The following DAPP1 variants were observed in gnomAD, a reference collection of about 807,000 sequenced individuals.
DAPP1 encodes dual adaptor of phosphotyrosine and 3-phosphoinositides 1.
Under a neutral mutation model 41.5 loss-of-function variants are expected in DAPP1, and 20 were observed. The ratio of observed to expected loss-of-function variants is 0.48; its 90% CI spans 0.34 to 0.70. DAPP1 has a LOEUF of 0.70. DAPP1 is among the 30% of genes least tolerant of loss of function. DAPP1 has a pLI of 0.01. For missense variants in DAPP1, 233 were observed against 333.4 expected (o/e 0.70, Z 2.35); for synonymous variants, 113 against 116.2 (o/e 0.97, Z 0.18).
chr4:99,861,901 A>G (rs1335283641), intron 5 of DAPP1, among the ~76,000 whole-genome samples: 1 of 152,250 alleles, frequency 6.6e-6, no homozygotes, highest in Non-Finnish European at 1.5e-5. Flanking sequence ...ATTGAGGATG[A>G]AGATAGCAAG....
intron 1 of DAPP1, among the ~76,000 whole-genome samples, chr4:99,818,088 A>G (rs1722650497): frequency 6.6e-6 from 1 of 152,196 alleles, no homozygotes; most frequent in Non-Finnish European, 1.5e-5. Context: ...ATGTTGTATT[A>G]CTGTAAAAGT....
chr4:99,862,961 T>A, intron 5 of DAPP1, 49 bp from the exon 6 acceptor site: 2 of 1,365,772 alleles, frequency 1.5e-6, no homozygotes, highest in Non-Finnish European at 2.0e-6. Context: ...ATTCCTGTAT[T>A]CAAAACTTTG....
intron 1 of DAPP1, among the ~76,000 whole-genome samples, chr4:99,825,848 G>A (rs926870336): frequency 3.0e-4 from 46 of 152,190 alleles, no homozygotes; most frequent in African/African-American, 1.1e-3. Flanking sequence ...ATGGGCTTGT[G>A]TGGGCAACAC....
At chr4:99,857,985 A>G (rs1217642616) in intron 4 of DAPP1, among the ~76,000 whole-genome samples, 1 of 152,194 alleles carries the variant, frequency 6.6e-6, no homozygotes, top group African/African-American at 2.4e-5. Flanking sequence ...GGTTTTCCCC[A>G]AGTCGTTTGA....
At chr4:99,818,634 T>G (rs1156482156) in intron 1 of DAPP1, among the ~76,000 whole-genome samples, 1 of 152,048 alleles carries the variant, frequency 6.6e-6, no homozygotes, top group Admixed American at 6.5e-5. Flanking sequence ...GTGTCTTTCC[T>G]CCATGTGCAA....
At chr4:99,818,214 T>C (rs1484632987) in intron 1 of DAPP1, among the ~76,000 whole-genome samples, 2 of 152,174 alleles carry the variant, frequency 1.3e-5, no homozygotes, top group Non-Finnish European at 2.9e-5. Context: ...ACTCCCCTTA[T>C]TAGGAAGCCA....
chr4:99,865,968 A>ATATATATATATAATATAATATAT (rs1724438181), intron 7 of DAPP1, 66 bp from the exon 8 acceptor site: 1 of 64,798 alleles, frequency 1.5e-5, no homozygotes, highest in South Asian at 3.1e-4. Context: ...TATATATATT[A>ATATATATATATAATATAATATAT]TATATATATA....
intron 1 of DAPP1, among the ~76,000 whole-genome samples, chr4:99,823,780 T>C (rs757971228): frequency 7.9e-5 from 12 of 152,172 alleles, no homozygotes; most frequent in Non-Finnish European, 1.5e-4. Flanking sequence ...AGAGCCAAGA[T>C]AGTGGGTTAG....
chr4:99,822,297 G>C (rs1476621693), intron 1 of DAPP1, among the ~76,000 whole-genome samples: 1 of 152,140 alleles, frequency 6.6e-6, no homozygotes, highest in East Asian at 1.9e-4. Context: ...GTTGTATGAT[G>C]ACGCCAGGCA....
At chr4:99,850,325 G>A (rs76162942) in intron 3 of DAPP1, among the ~76,000 whole-genome samples, 6,306 of 151,996 alleles carry the variant, frequency 0.041, 284 homozygotes, top group East Asian at 0.24. Context: ...CAGGAGAATC[G>A]CTTGAACCTG....
chr4:99,830,011 C>T (rs1723067085), intron 1 of DAPP1, among the ~76,000 whole-genome samples: 2 of 152,120 alleles, frequency 1.3e-5, no homozygotes, highest in Admixed American at 1.3e-4. Context: ...AAAGAGACCT[C>T]CAGATTTTAT....
intron 1 of DAPP1, among the ~76,000 whole-genome samples, chr4:99,821,434 C>G (rs1410738689): frequency 6.6e-6 from 1 of 152,190 alleles, no homozygotes; most frequent in Admixed American, 6.5e-5. Context: ...GCCCACTGGT[C>G]AAAGGTATGT....
Position 99,816,895 on chromosome 4 carries a change from A to C in DAPP1, c.-19A>C, listed in dbSNP as rs771600835. 1 of 1,593,270 alleles carries C rather than the reference A, an allele frequency of 6.3e-7. No homozygotes were observed. The highest frequency in any genetic ancestry group is 1.1e-5 in the South Asian group (1 of 87,502). ...GCAGCCCAGTTGTGTCTCTCTCTCT[A>C]CCTCTGTGAAGGGCGCGAATGGGCA... On this transcript the variant is annotated 5_prime_UTR_variant, in exon 1 of 9. Coordinates refer to ENST00000512369, the MANE Select transcript of DAPP1 (RefSeq NM_014395.3).
chr4:99,855,661 A>G (rs1724020672), intron 4 of DAPP1, among the ~76,000 whole-genome samples: 1 of 152,234 alleles, frequency 6.6e-6, no homozygotes, highest in African/African-American at 2.4e-5. Context: ...AATGTTTCTC[A>G]TTACTTCTCA....
At chr4:99,845,760 A>C (rs1275209905) in intron 3 of DAPP1, among the ~76,000 whole-genome samples, 1 of 152,262 alleles carries the variant, frequency 6.6e-6, no homozygotes, top group Admixed American at 6.5e-5. Flanking sequence ...ACTTTAAAAC[A>C]TAAAAAGGCT....
At chr4:99,853,080 G>A in intron 3 of DAPP1, 138 bp from the exon 4 acceptor site, 1 of 953,958 alleles carries the variant, frequency 1.0e-6, no homozygotes, top group Non-Finnish European at 1.5e-6. Context: ...ATTGGTATTT[G>A]ATAACTGTTG....
chr4:99,824,741 G>C (rs1578343305), intron 1 of DAPP1, among the ~76,000 whole-genome samples: 1 of 152,170 alleles, frequency 6.6e-6, no homozygotes, highest in African/African-American at 2.4e-5. Context: ...TTTACTTGAA[G>C]ATGAGCCCTC....
chr4:99,843,783 C>T (rs1723574637), intron 3 of DAPP1, among the ~76,000 whole-genome samples: 1 of 152,058 alleles, frequency 6.6e-6, no homozygotes. Context: ...GTGTGAACTC[C>T]ATGAAGAAAG....
At chr4:99,872,032 G>A (rs997279429), downstream of DAPP1, among the ~76,000 whole-genome samples, 2 of 152,122 alleles carry the variant, frequency 1.3e-5, no homozygotes, top group Non-Finnish European at 2.9e-5. Context: ...ATCCCAGAGA[G>A]CAAGAACAAA....
Sources: gnomAD v4.1 joint callset for allele counts (sites outside exome capture counted in the v4.1 genomes callset) on GRCh38, gnomAD v4.1.1 for gene constraint, MANE v1.5 for transcripts, NCBI Gene and HGNC (gene_info 2026-07-23, HGNC 2026-07-21) for gene names.